SPMIP2: variants seen among roughly 807,000 people sequenced by gnomAD.
SPMIP2 encodes protein SPMIP2.
the SPMIP2 span, chr4:158,973,078 C>A: frequency 5.9e-6 from 9 of 1,537,274 alleles, no homozygotes; most frequent in Non-Finnish European, 8.1e-6. Flanking sequence ...AAGAGCAATA[C>A]CTTGATATGA....
the SPMIP2 span, among the ~76,000 whole-genome samples, chr4:159,014,984 A>C: frequency 6.6e-6 from 1 of 152,230 alleles, no homozygotes; most frequent in Non-Finnish European, 1.5e-5. Flanking sequence ...TATGCATTGC[A>C]ACTTAATTTT....
chr4:159,017,039 A>G, the SPMIP2 span, among the ~76,000 whole-genome samples: 1 of 152,134 alleles, frequency 6.6e-6, no homozygotes, highest in Non-Finnish European at 1.5e-5. Flanking sequence ...CTGCTTCTAG[A>G]TGTTGCCCTC....
At chr4:158,991,646 T>C in the SPMIP2 span, among the ~76,000 whole-genome samples, 1 of 152,178 alleles carries the variant, frequency 6.6e-6, no homozygotes, top group Admixed American at 6.5e-5. Context: ...GGCTTCAATT[T>C]TATTTGCTTC....
chr4:158,961,798 CTTAAT>C, the SPMIP2 span, among the ~76,000 whole-genome samples: 2 of 152,008 alleles, frequency 1.3e-5, no homozygotes, highest in Admixed American at 6.6e-5. Context: ...CCTTCTCTAT[CTTAAT>C]TTATTAATGA....
At chr4:158,905,081 C>T in the SPMIP2 span, 5 of 153,112 alleles carry the variant, frequency 3.3e-5, no homozygotes, top group Non-Finnish European at 5.8e-5. Context: ...GTGCCATCTT[C>T]AGCTCCAGTG....
At chr4:158,967,488 C>T in the SPMIP2 span, among the ~76,000 whole-genome samples, 22 of 152,164 alleles carry the variant, frequency 1.4e-4, no homozygotes, top group African/African-American at 3.4e-4. Flanking sequence ...GAACTAAACA[C>T]GCACTCATCT....
chr4:159,053,105 C>G, the SPMIP2 span, among the ~76,000 whole-genome samples: 3 of 148,392 alleles, frequency 2.0e-5, no homozygotes, highest in Non-Finnish European at 3.0e-5. Flanking sequence ...TACAGGCGCC[C>G]GCCACTACGC....
the SPMIP2 span, among the ~76,000 whole-genome samples, chr4:159,035,922 G>C: frequency 6.6e-6 from 1 of 152,194 alleles, no homozygotes; most frequent in Admixed American, 6.5e-5. Context: ...TCAATTATTT[G>C]TCTATTTTAT....
chr4:158,971,111 T>C, the SPMIP2 span, among the ~76,000 whole-genome samples: 1 of 152,164 alleles, frequency 6.6e-6, no homozygotes, highest in Non-Finnish European at 1.5e-5. Flanking sequence ...GAATGCTTGA[T>C]TGCACTTCAT....
the SPMIP2 span, among the ~76,000 whole-genome samples, chr4:158,933,265 G>C: frequency 6.6e-6 from 1 of 152,194 alleles, no homozygotes; most frequent in Non-Finnish European, 1.5e-5. Context: ...AAAGTGCTGG[G>C]ATTGCAAATG....
At chr4:158,979,518 A>C in the SPMIP2 span, among the ~76,000 whole-genome samples, 1 of 152,146 alleles carries the variant, frequency 6.6e-6, no homozygotes, top group Non-Finnish European at 1.5e-5. Flanking sequence ...TTTCCAACTG[A>C]GGTACCCGGC....
At chr4:158,917,411 AG>A in the SPMIP2 span, among the ~76,000 whole-genome samples, 1 of 151,776 alleles carries the variant, frequency 6.6e-6, no homozygotes, top group Non-Finnish European at 1.5e-5. Flanking sequence ...TGGGTGACAG[AG>A]CAGGGGGAAA....
the SPMIP2 span, among the ~76,000 whole-genome samples, chr4:159,068,316 A>G: frequency 6.6e-6 from 1 of 152,204 alleles, no homozygotes; most frequent in Non-Finnish European, 1.5e-5. Context: ...TACACCATGG[A>G]ATACTATGCA....
chr4:158,994,974 T>A, the SPMIP2 span, among the ~76,000 whole-genome samples: 2 of 152,234 alleles, frequency 1.3e-5, no homozygotes, highest in Admixed American at 6.5e-5. Context: ...CTGAAAGAAC[T>A]GAAAGGCTAG....
chr4:159,023,790 T>A, the SPMIP2 span, among the ~76,000 whole-genome samples: 1 of 152,212 alleles, frequency 6.6e-6, no homozygotes, highest in Non-Finnish European at 1.5e-5. Flanking sequence ...ACTTAGAAGC[T>A]GCTGTACTTG....
chr4:158,966,013 T>C, the SPMIP2 span, among the ~76,000 whole-genome samples: 1 of 152,358 alleles, frequency 6.6e-6, no homozygotes, highest in East Asian at 1.9e-4. Context: ...TTACTGACAA[T>C]AATCACACTA....
chr4:159,009,206 C>T, the SPMIP2 span, among the ~76,000 whole-genome samples: 4 of 152,224 alleles, frequency 2.6e-5, no homozygotes, highest in Non-Finnish European at 4.4e-5. Context: ...CATGGCTTCT[C>T]ATACAGTGTT....
chr4:158,973,878 T>C, the SPMIP2 span, among the ~76,000 whole-genome samples: 48,029 of 147,652 alleles, frequency 0.33, 7,824 homozygotes, highest in South Asian at 0.42. Context: ...CCCAGCTATT[T>C]GGGAGATGGA....
At chr4:159,071,994 A>G in the SPMIP2 span, among the ~76,000 whole-genome samples, 1 of 152,220 alleles carries the variant, frequency 6.6e-6, no homozygotes, top group African/African-American at 2.4e-5. Context: ...AAATGAATTC[A>G]CAAATACCTG....
Sources: allele counts gnomAD v4.1 joint callset (sites outside exome capture counted in the v4.1 genomes callset), GRCh38; gene constraint gnomAD v4.1.1; transcripts MANE v1.5; gene names NCBI Gene and HGNC (gene_info 2026-07-23, HGNC 2026-07-21).